DUSP16: variants seen among roughly 807,000 people sequenced by gnomAD.
DUSP16 encodes the protein dual specificity phosphatase 16.
A neutral mutation model predicts 58.3 loss-of-function variants in DUSP16; 21 were observed. The ratio of observed to expected loss-of-function variants is 0.36; its 90% CI spans 0.26 to 0.52. The LOEUF is 0.52. DUSP16 is among the 20% of genes least tolerant of loss of function. The pLI is 0.94. For synonymous variants in DUSP16, 320 were observed against 323.8 expected, an observed-to-expected ratio of 0.99 and a Z score of 0.12; for missense variants, 726 against 819.0, an observed-to-expected ratio of 0.89 and a Z score of 1.39.
At chr12:12,518,479 C>T (rs946808516) in intron 3 of DUSP16, among the ~76,000 whole-genome samples, 3 of 151,264 alleles carry the variant, frequency 2.0e-5, no homozygotes, top group African/African-American at 7.3e-5. Flanking sequence ...CACCACCGCA[C>T]TCTAGCCTGG....
chr12:12,496,353 C>T (rs1397740459), intron 4 of DUSP16, among the ~76,000 whole-genome samples: 2 of 152,138 alleles, frequency 1.3e-5, no homozygotes, highest in Non-Finnish European at 2.9e-5. Flanking sequence ...TATTTGTTGC[C>T]TAACTCTTCT....
At chr12:12,532,663 G>A (rs1380110254) in intron 1 of DUSP16, among the ~76,000 whole-genome samples, 1 of 151,854 alleles carries the variant, frequency 6.6e-6, no homozygotes, top group Non-Finnish European at 1.5e-5. Context: ...TTAAGAAGAT[G>A]AGAACTGGGC....
At chr12:12,511,632 C>G (rs148569383) in intron 3 of DUSP16, among the ~76,000 whole-genome samples, 265 of 152,274 alleles carry the variant, frequency 1.7e-3, no homozygotes, top group African/African-American at 6.3e-3. Context: ...CTGAATCATC[C>G]CTTATCACTG....
At chr12:12,528,332 G>GA (rs1159409755) in intron 1 of DUSP16, among the ~76,000 whole-genome samples, 1 of 152,180 alleles carries the variant, frequency 6.6e-6, no homozygotes, top group East Asian at 1.9e-4. Context: ...CCGGTGTATG[G>GA]AGGTGGTCTT....
At chr12:12,539,248 G>A (rs1015970648) in intron 1 of DUSP16, among the ~76,000 whole-genome samples, 1 of 152,114 alleles carries the variant, frequency 6.6e-6, no homozygotes. Context: ...CTGGAATTCT[G>A]AATATTTTAT....
chr12:12,496,572 T>A (rs947865649), intron 4 of DUSP16, among the ~76,000 whole-genome samples: 1 of 152,254 alleles, frequency 6.6e-6, no homozygotes, highest in African/African-American at 2.4e-5. Context: ...TCAGATACAG[T>A]TCTGCTTAAT....
intron 4 of DUSP16, among the ~76,000 whole-genome samples, chr12:12,488,999 G>C (rs754782593): frequency 6.6e-6 from 1 of 152,162 alleles, no homozygotes; most frequent in African/African-American, 2.4e-5. Context: ...AGAATCGCTT[G>C]AACTCAGGAG....
chr12:12,476,538 C>T lies in DUSP16; in HGVS notation c.*295G>A, dbSNP rs1943439075. Reference sequence around the variant, plus strand: ...ATTTTGTCCTCCAACACCAAAGACACTTGCTTTTTTAAGAACAAGAGGATG... The same window carrying T: ...ATTTTGTCCTCCAACACCAAAGACATTTGCTTTTTTAAGAACAAGAGGATG... On this transcript the variant is annotated 3_prime_UTR_variant, in exon 7 of 7. Coordinates refer to ENST00000298573, the MANE Select transcript of DUSP16 (RefSeq NM_030640.3). 3.9e-6 allele frequency: 1 copy of T among 253,224 alleles called. No homozygotes were observed. Among genetic ancestry groups the T allele is most frequent in the East Asian group, 8.7e-5 (1 of 11,476 alleles). 15.7% of individuals were successfully genotyped at this position (253,224 alleles called of 1,614,324 possible).
intron 3 of DUSP16, among the ~76,000 whole-genome samples, chr12:12,500,914 C>T (rs763272189): frequency 1.9e-4 from 29 of 152,278 alleles, no homozygotes; most frequent in Non-Finnish European, 4.1e-4. Context: ...TAATGAATGA[C>T]TCCTCTCTCT....
At chr12:12,545,259 C>T (rs1343440639) in intron 1 of DUSP16, among the ~76,000 whole-genome samples, 3 of 151,926 alleles carry the variant, frequency 2.0e-5, no homozygotes, top group African/African-American at 4.8e-5. Context: ...AGTAATCTTA[C>T]TAAATTTATG....
intron 1 of DUSP16, among the ~76,000 whole-genome samples, chr12:12,528,966 G>A (rs998978261): frequency 1.3e-5 from 2 of 152,156 alleles, no homozygotes; most frequent in Admixed American, 1.3e-4. Context: ...CTGGAAGATT[G>A]TAGCTTTCTG....
At chr12:12,509,155 C>A (rs565382437) in intron 3 of DUSP16, among the ~76,000 whole-genome samples, 2 of 152,306 alleles carry the variant, frequency 1.3e-5, no homozygotes, top group South Asian at 4.1e-4. Flanking sequence ...AGGAATACAG[C>A]CAGAATCTAC....
intron 4 of DUSP16, chr12:12,491,418 T>C (rs780309716): frequency 4.6e-5 from 7 of 152,198 alleles, no homozygotes; most frequent in Non-Finnish European, 7.3e-5. Context: ...CTGATTCTTT[T>C]GTGGAATAAG....
At chr12:12,551,093 T>C (rs12422361) in intron 1 of DUSP16, among the ~76,000 whole-genome samples, 38,165 of 151,796 alleles carry the variant, frequency 0.25, 5,339 homozygotes, top group Non-Finnish European at 0.29. Context: ...TTTTTTTTCA[T>C]AGGACACCAT....
Position 12,476,738 on chromosome 12 carries a change from A to G in DUSP16, c.*95T>C, listed in dbSNP as rs927022982. The G allele has an allele frequency of 8.4e-6, 10 of 1,196,404 alleles. No individual in the cohort carries two copies. Among genetic ancestry groups the G allele is most frequent in the East Asian group, 2.5e-5 (1 of 40,776 alleles). 74.1% of individuals were successfully genotyped at this position (1,196,404 alleles called of 1,614,324 possible). ...CCATAGCTCCATTTTCCAAAAATATATATGTATGTACATATATATATTTCA... is the reference window on the plus strand; with the variant it reads ...CCATAGCTCCATTTTCCAAAAATATGTATGTATGTACATATATATATTTCA... On this transcript the variant is annotated 3_prime_UTR_variant, in exon 7 of 7. Coordinates refer to ENST00000298573, the MANE Select transcript of DUSP16 (RefSeq NM_030640.3).
chr12:12,477,084 T>C lies in DUSP16; in HGVS notation c.1747A>G (p.Ser583Gly). 6.2e-7 allele frequency: 1 copy of C among 1,614,242 alleles called. No homozygotes were observed. The highest frequency in any genetic ancestry group is 8.5e-7 in the Non-Finnish European group (1 of 1,180,046). ...CCGCAAGTGGGCAGCTGGCTGCAGC[T>C]GTAGGCAGAGTAACTGGCACTGCCT... ...YGGSASYSAY[S>G]CSQLPTCGDQ... Residue 583 changes from serine to glycine, a missense_variant, in exon 7 of 7, where the codon AGC (serine) becomes GGC (glycine). Transcript: ENST00000298573. The surrounding 1 kb of genome is among the most constrained non-coding windows in gnomAD (Gnocchi z 4.1).
At chr12:12,495,528 A>AT (rs1943817103) in intron 4 of DUSP16, among the ~76,000 whole-genome samples, 1 of 152,208 alleles carries the variant, frequency 6.6e-6, no homozygotes, top group Non-Finnish European at 1.5e-5. Context: ...TAACCCTGAA[A>AT]TAAGCTTTCT....
Position 12,487,034 on chromosome 12 carries a change from A to T in DUSP16, c.685T>A (p.Phe229Ile), listed in dbSNP as rs1244424039. 1 of 1,613,860 alleles carries T rather than the reference A, an allele frequency of 6.2e-7. No homozygotes were observed. Among genetic ancestry groups the T allele is most frequent in the African/African-American group, 1.3e-5 (1 of 74,912 alleles). The change falls in exon 5 of 7, where the codon TTC becomes ATC. Residue 229 changes from phenylalanine to isoleucine, a missense_variant. Phe to Ile is a conservative substitution (Grantham distance 21). Transcript: ENST00000298573. ...TATTATTTGAGCTACTTACCAATGAAATCTACTGATTTGTCCAACCACGGC... is the reference window on the plus strand; with the variant it reads ...TATTATTTGAGCTACTTACCAATGATATCTACTGATTTGTCCAACCACGGC... Reference protein sequence around the residue: ...ILPWLDKSVDFIEKAKASNGC... With the variant: ...ILPWLDKSVDIIEKAKASNGC...
chr12:12,556,040 C>T (rs1944800418), intron 1 of DUSP16, among the ~76,000 whole-genome samples: 1 of 151,722 alleles, frequency 6.6e-6, no homozygotes, highest in Admixed American at 6.6e-5. Flanking sequence ...GACCATGTCT[C>T]AAAAAAATAA....
Sources: gnomAD v4.1 joint callset for allele counts (sites outside exome capture counted in the v4.1 genomes callset) on GRCh38, gnomAD v4.1.1 for gene constraint, Gnocchi (gnomAD v3.1) non-coding constraint, MANE v1.5 for transcripts, NCBI Gene and HGNC (gene_info 2026-07-23, HGNC 2026-07-21) for gene names.